Variants in CCDC148 observed in about 807,000 individuals in gnomAD.
The protein encoded by CCDC148 is coiled-coil domain-containing protein 148.
Under a neutral mutation model 85.7 loss-of-function variants are expected in CCDC148, and 89 were observed. That is an observed-to-expected ratio of 1.04 (90% CI 0.87 to 1.24). CCDC148 has a LOEUF of 1.24. Among genes scored for constraint, CCDC148 ranks in the 50% most tolerant of loss-of-function variants. CCDC148 has a pLI of 0.00. For missense variants in CCDC148, 692 were observed against 671.7 expected (o/e 1.03, Z -0.33); for synonymous variants, 230 against 213.9 (o/e 1.08, Z -0.66).
At chr2:158,262,008 T>C (rs1689245938) in intron 9 of CCDC148, among the ~76,000 whole-genome samples, 1 of 152,010 alleles carries the variant, frequency 6.6e-6, no homozygotes, top group Non-Finnish European at 1.5e-5. Flanking sequence ...GCAATCCCAT[T>C]ACTGGGTATA....
At chr2:158,225,574 A>T (rs1415551946) in intron 10 of CCDC148, among the ~76,000 whole-genome samples, 1 of 152,218 alleles carries the variant, frequency 6.6e-6, no homozygotes, top group Non-Finnish European at 1.5e-5. Flanking sequence ...TCCTCAGCAA[A>T]TGTAAAAGAA....
intron 7 of CCDC148, among the ~76,000 whole-genome samples, chr2:158,319,447 A>G (rs1179023958): frequency 2.0e-5 from 3 of 152,210 alleles, no homozygotes; most frequent in African/African-American, 7.2e-5. Context: ...CTAGCTCTTA[A>G]AAAGAGTCAC....
chr2:158,419,367 C>T (rs1335194345), intron 1 of CCDC148, among the ~76,000 whole-genome samples: 2 of 152,050 alleles, frequency 1.3e-5, no homozygotes, highest in Non-Finnish European at 2.9e-5. Context: ...TTGAGTTTTA[C>T]GTCACAAAGA....
chr2:158,399,004 G>A (rs958579450), intron 1 of CCDC148, among the ~76,000 whole-genome samples: 11 of 152,048 alleles, frequency 7.2e-5, no homozygotes, highest in Admixed American at 2.0e-4. Flanking sequence ...ACACCTCTAC[G>A]CAAATAAACT....
At chr2:158,237,017 T>G (rs1462669863) in intron 10 of CCDC148, among the ~76,000 whole-genome samples, 3 of 152,180 alleles carry the variant, frequency 2.0e-5, no homozygotes, top group Non-Finnish European at 4.4e-5. Flanking sequence ...TCAAGGACTT[T>G]CTTTCTAAGA....
chr2:158,188,797 A>G lies in CCDC148; in HGVS notation c.1371-9801T>C, dbSNP rs186947212. 3.3e-4 allele frequency among the ~76,000 whole-genome samples: 50 copies of G among 152,214 alleles called. 1 individual carries two copies. The highest frequency in any genetic ancestry group is 3.4e-3 in the Middle Eastern group (1 of 294). ...GCAAAAGAAACTCTCAACAGATTGA[A>G]CAGACAACATACAGAATGGGAGAAA... is the stretch of plus-strand genomic sequence containing the variant. On this transcript the variant is annotated intron_variant, in intron 11 of 13. Transcript: ENST00000283233.
chr2:158,375,448 A>G (rs1257460170), intron 1 of CCDC148, among the ~76,000 whole-genome samples: 1 of 152,108 alleles, frequency 6.6e-6, no homozygotes, highest in Non-Finnish European at 1.5e-5. Flanking sequence ...TTAAAAGAAA[A>G]CCATGAAAGC....
At chr2:158,207,562 C>T (rs1686315352) in intron 11 of CCDC148, 2 of 152,162 alleles carry the variant, frequency 1.3e-5, no homozygotes, top group African/African-American at 2.4e-5. Context: ...AGATCTGATG[C>T]AAATGTTTAC....
At chr2:158,201,882 A>G (rs1237773174) in intron 11 of CCDC148, among the ~76,000 whole-genome samples, 1 of 152,186 alleles carries the variant, frequency 6.6e-6, no homozygotes, top group Non-Finnish European at 1.5e-5. Flanking sequence ...TCACAATGGT[A>G]TCGTGGTTAA....
intron 10 of CCDC148, among the ~76,000 whole-genome samples, chr2:158,233,946 G>C (rs765098245): frequency 6.6e-6 from 1 of 152,056 alleles, no homozygotes; most frequent in African/African-American, 2.4e-5. Context: ...GGGAGGCCGA[G>C]GTGGGTGGAG....
chr2:158,447,416 G>A (rs1333325242), intron 1 of CCDC148: 1 of 152,184 alleles, frequency 6.6e-6, no homozygotes, highest in Non-Finnish European at 1.5e-5. Flanking sequence ...TCCTGCCTCA[G>A]CCATCTGAGA....
chr2:158,216,388 T>C (rs1475898476), intron 11 of CCDC148, among the ~76,000 whole-genome samples: 1 of 14,062 alleles, frequency 7.1e-5, no homozygotes, highest in East Asian at 4.4e-3. Flanking sequence ...GCACAATACT[T>C]TTTTTTTTTT....
At chr2:158,454,570 T>A (rs1188811464) in intron 1 of CCDC148, among the ~76,000 whole-genome samples, 1 of 152,206 alleles carries the variant, frequency 6.6e-6, no homozygotes, top group Non-Finnish European at 1.5e-5. Context: ...GCAAGATCAT[T>A]TGCAGAAGTG....
intron 1 of CCDC148, among the ~76,000 whole-genome samples, chr2:158,384,300 T>C (rs1684996428): frequency 6.6e-6 from 1 of 152,218 alleles, no homozygotes; most frequent in Non-Finnish European, 1.5e-5. Flanking sequence ...TTTGTTCATA[T>C]CTGCATAGAT....
chr2:158,326,185 A>C (rs576972650), intron 7 of CCDC148, among the ~76,000 whole-genome samples: 31 of 152,198 alleles, frequency 2.0e-4, no homozygotes, highest in Admixed American at 1.6e-3. Flanking sequence ...GCCTCTTGCC[A>C]GGCATACTCC....
rs145479828 is a variant in CCDC148 at position 158,348,138 on chromosome 2, T to C, written c.148-2820A>G. Among the ~76,000 whole-genome samples, 1,224 of 152,206 alleles carry C rather than the reference T, an allele frequency of 8.0e-3. 17 individuals carry two copies. Among genetic ancestry groups the C allele is most frequent in the African/African-American group, 0.028 (1,150 of 41,568 alleles). On this transcript the variant is annotated intron_variant, in intron 2 of 13. Coordinates refer to ENST00000283233, the MANE Select transcript of CCDC148 (RefSeq NM_138803.4). ...CATTTATAGAAATCCATCTGAAAAC[T>C]ATATTGGCAAAAGTATAAAAGATAT...
chr2:158,226,548 A>G (rs1687539079), intron 10 of CCDC148, among the ~76,000 whole-genome samples: 1 of 152,202 alleles, frequency 6.6e-6, no homozygotes, highest in South Asian at 2.1e-4. Context: ...TCGATGCAAA[A>G]ATAATCAATA....
intron 1 of CCDC148, among the ~76,000 whole-genome samples, chr2:158,397,614 G>A (rs1029625700): frequency 1.3e-5 from 2 of 152,058 alleles, no homozygotes; most frequent in African/African-American, 2.4e-5. Flanking sequence ...TGCCTTACAA[G>A]TATTCCTGAA....
At chr2:158,333,929 A>C (rs1172430262) in intron 7 of CCDC148, among the ~76,000 whole-genome samples, 1 of 152,070 alleles carries the variant, frequency 6.6e-6, no homozygotes, top group Non-Finnish European at 1.5e-5. Flanking sequence ...TTTCCACATC[A>C]AGTTTACAAT....
Sources: gnomAD v4.1 joint callset for allele counts (sites outside exome capture counted in the v4.1 genomes callset) on GRCh38, gnomAD v4.1.1 for gene constraint, MANE v1.5 for transcripts, NCBI Gene and HGNC (gene_info 2026-07-23, HGNC 2026-07-21) for gene names.